The following COL24A1 variants were observed in gnomAD, a reference collection of about 807,000 sequenced individuals.
COL24A1 encodes the protein collagen type XXIV alpha 1 chain, also known as collagen alpha-1(XXIV) chain.
Under a neutral mutation model 253.9 loss-of-function variants are expected in COL24A1, and 224 were observed. The observed-to-expected ratio is 0.88, with a 90% CI of 0.79 to 0.99. The LOEUF is 0.99. COL24A1 is among the 50% of genes least tolerant of loss of function. The pLI is 0.00. For missense variants in COL24A1, 2,131 were observed against 2,068.5 expected, an observed-to-expected ratio of 1.03 and a Z score of -0.59; for synonymous variants, 685 against 673.7, an observed-to-expected ratio of 1.02 and a Z score of -0.26.
At chr1:86,059,066 C>A in intron 9 of COL24A1, 55 bp downstream of exon 9, 2 of 1,152,998 alleles carry the variant, frequency 1.7e-6, no homozygotes, top group South Asian at 1.5e-5. Flanking sequence ...ATCAGAAATA[C>A]AATGTATTAA....
intron 24 of COL24A1, among the ~76,000 whole-genome samples, chr1:85,917,062 T>C (rs932942659): frequency 6.6e-6 from 1 of 152,140 alleles, no homozygotes; most frequent in African/African-American, 2.4e-5. Flanking sequence ...GAATGACCAA[T>C]ACTGAGAAAT....
At chr1:86,041,970 G>T (rs535127771) in intron 12 of COL24A1, among the ~76,000 whole-genome samples, 1 of 152,028 alleles carries the variant, frequency 6.6e-6, no homozygotes, top group Non-Finnish European at 1.5e-5. Context: ...TTTTATTGAA[G>T]GCACAGAGAG....
Position 85,849,268 on chromosome 1 carries a change from C to G in COL24A1, c.3354+85G>C. 6.6e-6 allele frequency: 6 copies of G among 908,870 alleles called. No individual in the cohort carries two copies. The South Asian group carries it at 1.0e-4, about 15-fold the overall frequency. The allele number at this position is 908,870 out of a possible 1,614,324, so 56.3% of individuals were successfully genotyped here. ...ATTCTTTACTACTTTACTATCTAGT[C>G]CAAATTAAAAACATTACAGCAGTCT... On this transcript the variant is annotated intron_variant, in intron 38 of 59. Transcript: ENST00000370571.
chr1:85,779,643 C>T (rs550416326), intron 52 of COL24A1, among the ~76,000 whole-genome samples: 17 of 152,050 alleles, frequency 1.1e-4, no homozygotes, highest in Non-Finnish European at 2.2e-4. Flanking sequence ...TTATTTGCAG[C>T]CAAACCTTCC....
intron 20 of COL24A1, among the ~76,000 whole-genome samples, chr1:85,975,301 T>A (rs185067115): frequency 3.9e-4 from 60 of 152,296 alleles, no homozygotes; most frequent in Non-Finnish European, 7.2e-4. Context: ...ATCAGAGAGA[T>A]AATCTGCATT....
intron 19 of COL24A1, among the ~76,000 whole-genome samples, chr1:85,994,927 T>C (rs1694634323): frequency 6.6e-6 from 1 of 152,170 alleles, no homozygotes; most frequent in Non-Finnish European, 1.5e-5. Flanking sequence ...CCAGGTATTT[T>C]CCATCATGAT....
intron 22 of COL24A1, among the ~76,000 whole-genome samples, chr1:85,969,704 T>C (rs1691953332): frequency 6.7e-6 from 1 of 149,396 alleles, no homozygotes; most frequent in Non-Finnish European, 1.5e-5. Flanking sequence ...GTCTAATGCC[T>C]CTTAAAATAA....
intron 20 of COL24A1, among the ~76,000 whole-genome samples, chr1:85,973,956 T>C (rs1355498590): frequency 2.0e-5 from 3 of 152,154 alleles, no homozygotes; most frequent in Non-Finnish European, 2.9e-5. Flanking sequence ...TATTATTAGA[T>C]CTAGCAGACT....
At chr1:85,833,743 T>G (rs1027307850) in intron 43 of COL24A1, among the ~76,000 whole-genome samples, 1 of 152,050 alleles carries the variant, frequency 6.6e-6, no homozygotes, top group African/African-American at 2.4e-5. Context: ...TAGACTGGAT[T>G]AAGAAAATGT....
At chr1:85,838,045 A>G (rs1676209015) in intron 43 of COL24A1, among the ~76,000 whole-genome samples, 1 of 152,210 alleles carries the variant, frequency 6.6e-6, no homozygotes, top group Non-Finnish European at 1.5e-5. Context: ...ATGGAAGAGG[A>G]TAAGAATTGA....
At chr1:85,958,047 A>C (rs138152187) in intron 24 of COL24A1, among the ~76,000 whole-genome samples, 2 of 152,326 alleles carry the variant, frequency 1.3e-5, no homozygotes, top group African/African-American at 4.8e-5. Context: ...AGTTTTTACT[A>C]CATGACTGGC....
chr1:85,786,452 C>T lies in COL24A1; in HGVS notation c.3961G>A (p.Gly1321Ser). The change falls in exon 48 of 60, where the codon GGC becomes AGC. Residue 1321 changes from glycine (G) to serine (S), a missense_variant. Transcript: ENST00000370571. Reference protein sequence around the residue: ...PGKQGLPGIRGGPGRTGLAGA... With the variant: ...PGKQGLPGIRSGPGRTGLAGA... ...GCAAGACCTGTTCTTCCTGGGCCGC[C>T]TCTGATGCCCTAAATAACACAGATA... The T allele has an allele frequency of 6.2e-7, 1 of 1,613,222 alleles. No homozygotes were observed. The highest frequency in any genetic ancestry group is 8.5e-7 in the Non-Finnish European group (1 of 1,179,590).
At chr1:86,144,890 A>G (rs535432702) in intron 2 of COL24A1, among the ~76,000 whole-genome samples, 10 of 152,160 alleles carry the variant, frequency 6.6e-5, no homozygotes, top group Non-Finnish European at 1.3e-4. Context: ...TCTCAGAAAC[A>G]GTAACCGTGA....
intron 8 of COL24A1, among the ~76,000 whole-genome samples, chr1:86,062,275 C>A (rs1701144689): frequency 6.6e-6 from 1 of 151,958 alleles, no homozygotes; most frequent in South Asian, 2.1e-4. Flanking sequence ...AAGATATTTA[C>A]AAATTTTCAA....
At chr1:85,890,525 G>A (rs1249617628) in intron 31 of COL24A1, among the ~76,000 whole-genome samples, 2 of 151,188 alleles carry the variant, frequency 1.3e-5, no homozygotes, top group African/African-American at 4.9e-5. Context: ...TGTGCTTACT[G>A]GCCATTTGTA....
intron 22 of COL24A1, among the ~76,000 whole-genome samples, chr1:85,965,967 C>T (rs1391999848): frequency 1.3e-5 from 2 of 152,062 alleles, no homozygotes; most frequent in African/African-American, 4.8e-5. Context: ...AGATAGGAAG[C>T]CTCAGACAAC....
At chr1:85,996,078 C>G (rs964547238) in intron 19 of COL24A1, among the ~76,000 whole-genome samples, 2 of 152,148 alleles carry the variant, frequency 1.3e-5, no homozygotes, top group African/African-American at 4.8e-5. Context: ...TCAAATTTTA[C>G]CACATATAAC....
Position 85,889,612 on chromosome 1 carries a change from C to T in COL24A1, c.2924G>A (p.Gly975Asp), listed in dbSNP as rs201290121. ...PGERGFQGKP[G>D]LQGLPGSTGD... is the part of the protein sequence containing the mutation. ...TGTACTTCCAGGCAATCCCTGTAAA[C>T]CCTGGACAAATAAAGGCAATACTTG... The change falls in exon 32 of 60, where the codon GGT (glycine) becomes GAT (aspartate). Residue 975 changes from glycine (G) to aspartate (D), a missense_variant and splice_region_variant. Coordinates refer to ENST00000370571, the MANE Select transcript of COL24A1 (RefSeq NM_152890.7). The T allele has an allele frequency of 2.7e-5, 44 of 1,612,806 alleles. No homozygotes were observed. The highest frequency in any genetic ancestry group is 3.6e-5 in the Non-Finnish European group (42 of 1,179,190).
chr1:85,786,903 A>G (rs1392215963), intron 47 of COL24A1, among the ~76,000 whole-genome samples: 5 of 152,242 alleles, frequency 3.3e-5, no homozygotes, highest in Non-Finnish European at 7.3e-5. Flanking sequence ...ACTGGAAATA[A>G]AGTTAAGCAA....
Sources: allele counts gnomAD v4.1 joint callset (sites outside exome capture counted in the v4.1 genomes callset), GRCh38; gene constraint gnomAD v4.1.1; transcripts MANE v1.5; gene names NCBI Gene and HGNC (gene_info 2026-07-23, HGNC 2026-07-21).